Variants in SLIT3 observed in about 807,000 individuals in gnomAD.
SLIT3 encodes the protein slit guidance ligand 3.
Under a neutral mutation model 184.0 loss-of-function variants are expected in SLIT3, and 68 were observed. The ratio of observed to expected loss-of-function variants is 0.37; its 90% CI spans 0.30 to 0.45. The LOEUF (loss-of-function observed/expected upper bound fraction) is 0.45, where lower values mean the gene tolerates loss of function less well. SLIT3 is among the 20% of genes least tolerant of loss of function. The pLI is 1.00. For synonymous variants in SLIT3, 831 were observed against 828.6 expected (o/e 1.00, Z -0.05); for missense variants, 1,707 against 2,026.0 (o/e 0.84, Z 3.02).
At chr5:169,093,659 G>T (rs975843057) in intron 4 of SLIT3, among the ~76,000 whole-genome samples, 3 of 152,184 alleles carry the variant, frequency 2.0e-5, no homozygotes, top group Non-Finnish European at 4.4e-5. Context: ...TTTATAAGAA[G>T]TAATATATTA....
intron 20 of SLIT3, among the ~76,000 whole-genome samples, chr5:168,735,275 G>C (rs1307686396): frequency 6.6e-6 from 1 of 152,164 alleles, no homozygotes. Context: ...CCTGTTTGGA[G>C]CTTTGGGGTG....
chr5:169,119,786 CTAAT>C (rs1264574077), intron 4 of SLIT3: 1 of 152,184 alleles, frequency 6.6e-6, no homozygotes, highest in African/African-American at 2.4e-5. Flanking sequence ...ACCTGAGTTG[CTAAT>C]TAAGTTATTT....
intron 20 of SLIT3, among the ~76,000 whole-genome samples, chr5:168,730,159 A>C (rs1763251875): frequency 6.6e-6 from 1 of 152,168 alleles, no homozygotes. Context: ...AAAGGGAACA[A>C]TTCAGCAAGA....
intron 4 of SLIT3, among the ~76,000 whole-genome samples, chr5:168,964,880 C>A (rs535110333): frequency 6.6e-6 from 1 of 152,296 alleles, no homozygotes; most frequent in Non-Finnish European, 1.5e-5. Flanking sequence ...GCCCTTAATA[C>A]ATTTCCAGTG....
chr5:168,954,612 C>T (rs891185598), intron 4 of SLIT3, among the ~76,000 whole-genome samples: 2 of 152,146 alleles, frequency 1.3e-5, no homozygotes, highest in Non-Finnish European at 2.9e-5. Flanking sequence ...ACAAGTAACA[C>T]GTGAAGAAAG....
At chr5:168,746,526 T>G (rs1754428015) in intron 20 of SLIT3, among the ~76,000 whole-genome samples, 1 of 91,762 alleles carries the variant, frequency 1.1e-5, no homozygotes, top group Non-Finnish European at 2.1e-5. Context: ...GTGGCGTGGG[T>G]GTGGCGGTGT....
At chr5:168,996,903 G>A (rs909899247) in intron 4 of SLIT3, among the ~76,000 whole-genome samples, 3 of 152,134 alleles carry the variant, frequency 2.0e-5, no homozygotes, top group South Asian at 2.1e-4. Flanking sequence ...AGTGATGTGT[G>A]GGAGAATGTG....
chr5:169,300,829 G>T lies in SLIT3; in HGVS notation c.-120C>A. On this transcript the variant is annotated 5_prime_UTR_variant, in exon 1 of 36. Transcript: ENST00000519560. The surrounding 1 kb of genome is among the most constrained non-coding windows in gnomAD (Gnocchi z 4.1). ...AGCGGGCGGCGGAGTTAGCGCGGAG[G>T]AGGGGCGAGCTCGGTGCTCAGGCGC... 1.9e-6 allele frequency: 2 copies of T among 1,058,250 alleles called. No homozygotes were observed. The highest frequency in any genetic ancestry group is 1.2e-6 in the Non-Finnish European group (1 of 836,586). The allele number at this position is 1,058,250 out of a possible 1,614,324, so 65.6% of individuals were successfully genotyped here.
intron 6 of SLIT3, among the ~76,000 whole-genome samples, chr5:168,839,855 A>G (rs1758182431): frequency 6.6e-6 from 1 of 152,154 alleles, no homozygotes; most frequent in Non-Finnish European, 1.5e-5. Flanking sequence ...AGGAGTCCCA[A>G]ATTCTAAGTT....
chr5:169,006,188 G>A (rs766622758), intron 4 of SLIT3, among the ~76,000 whole-genome samples: 5 of 152,202 alleles, frequency 3.3e-5, no homozygotes, highest in South Asian at 2.1e-4. Flanking sequence ...GCCTTGCAGC[G>A]TAACTACCAA....
At chr5:169,236,918 C>T (rs1376196999) in intron 3 of SLIT3, among the ~76,000 whole-genome samples, 2 of 152,146 alleles carry the variant, frequency 1.3e-5, no homozygotes, top group African/African-American at 4.8e-5. Flanking sequence ...AGTCCATTCC[C>T]ACATATTCTA....
At chr5:168,791,843 T>C (rs1279983967) in intron 10 of SLIT3, 1 of 152,204 alleles carries the variant, frequency 6.6e-6, no homozygotes, top group African/African-American at 2.4e-5. Flanking sequence ...ACTTCTCCTG[T>C]CTACCTGAAA....
At chr5:168,736,511 A>T (rs11749334) in intron 20 of SLIT3, among the ~76,000 whole-genome samples, 1 of 152,098 alleles carries the variant, frequency 6.6e-6, no homozygotes. Flanking sequence ...TCTGGGGAGC[A>T]TGGGGGATAT....
chr5:168,912,108 G>A (rs1761270394), intron 4 of SLIT3, among the ~76,000 whole-genome samples: 1 of 152,110 alleles, frequency 6.6e-6, no homozygotes, highest in African/African-American at 2.4e-5. Flanking sequence ...GATGAGGACG[G>A]AGGTTTTTAT....
At chr5:168,979,661 G>A (rs1345814292) in intron 4 of SLIT3, among the ~76,000 whole-genome samples, 3 of 152,144 alleles carry the variant, frequency 2.0e-5, no homozygotes, top group Admixed American at 6.5e-5. Context: ...AACAGAAGGG[G>A]GCTGGGGCCA....
At chr5:168,973,736 C>CCT (rs1581259404) in intron 4 of SLIT3, among the ~76,000 whole-genome samples, 2 of 152,222 alleles carry the variant, frequency 1.3e-5, no homozygotes. Context: ...ACTCCTATAC[C>CCT]CTCTTCCTCC....
chr5:168,806,671 G>C (rs563692313), intron 8 of SLIT3, 84 bp from the exon 9 acceptor site: 2 of 1,507,080 alleles, frequency 1.3e-6, no homozygotes, highest in Non-Finnish European at 1.8e-6. Context: ...CATCCTAAGG[G>C]CAAAGCATGA....
At chr5:169,273,755 G>A (rs2113636209) in intron 1 of SLIT3, among the ~76,000 whole-genome samples, 2 of 152,214 alleles carry the variant, frequency 1.3e-5, no homozygotes. Flanking sequence ...CAGGACTTTG[G>A]CCACAAGGAC....
At chr5:169,034,850 G>C (rs1757170045) in intron 4 of SLIT3, among the ~76,000 whole-genome samples, 1 of 151,194 alleles carries the variant, frequency 6.6e-6, no homozygotes, top group Non-Finnish European at 1.5e-5. Context: ...ATGCTCAGGA[G>C]ATCCTCCCAC....
Sources: allele counts gnomAD v4.1 joint callset (sites outside exome capture counted in the v4.1 genomes callset), GRCh38; gene constraint gnomAD v4.1.1; non-coding constraint Gnocchi (gnomAD v3.1); transcripts MANE v1.5; gene names NCBI Gene and HGNC (gene_info 2026-07-23, HGNC 2026-07-21).